EXOC4: variants seen among roughly 807,000 people sequenced by gnomAD.
EXOC4 encodes the protein exocyst complex component 4, also known as SEC8-like 1.
Under a neutral mutation model 107.2 loss-of-function variants are expected in EXOC4, and 71 were observed. The observed-to-expected ratio is 0.66, with a 90% CI of 0.55 to 0.81. EXOC4 has a LOEUF of 0.81. Ranked by LOEUF, EXOC4 falls within the 30% of genes least tolerant of loss-of-function variation. EXOC4 has a pLI of 0.00. For synonymous variants in EXOC4, 456 were observed against 441.2 expected, an observed-to-expected ratio of 1.03 and a Z score of -0.42; for missense variants, 1,108 against 1,189.6, an observed-to-expected ratio of 0.93 and a Z score of 1.01.
intron 9 of EXOC4, among the ~76,000 whole-genome samples, chr7:133,586,485 T>C (rs924162747): frequency 6.6e-6 from 1 of 152,216 alleles, no homozygotes; most frequent in Admixed American, 6.5e-5. Context: ...TGGTCGTGTA[T>C]ATGTACCACA....
At chr7:133,459,060 G>A (rs1294777899) in intron 7 of EXOC4, among the ~76,000 whole-genome samples, 1 of 152,182 alleles carries the variant, frequency 6.6e-6, no homozygotes, top group Non-Finnish European at 1.5e-5. Context: ...AGAAGACTAG[G>A]CCCTGGCTAC....
intron 7 of EXOC4, among the ~76,000 whole-genome samples, chr7:133,412,649 C>CT (rs1584896956): frequency 1.3e-5 from 2 of 151,880 alleles, no homozygotes; most frequent in East Asian, 1.9e-4. Flanking sequence ...TAGTGAGACT[C>CT]TATCTCTAAA....
chr7:134,011,239 A>T (rs573514893), intron 17 of EXOC4, among the ~76,000 whole-genome samples: 1 of 152,040 alleles, frequency 6.6e-6, no homozygotes, highest in East Asian at 1.9e-4. Context: ...CTAGGAGTCC[A>T]GATGGTGGCA....
intron 10 of EXOC4, among the ~76,000 whole-genome samples, chr7:133,647,838 T>A (rs938202248): frequency 6.6e-6 from 1 of 152,102 alleles, no homozygotes; most frequent in African/African-American, 2.4e-5. Context: ...GATTTCTGGT[T>A]CATAAACAGT....
chr7:133,339,154 A>C (rs1376026665), intron 5 of EXOC4, among the ~76,000 whole-genome samples: 1 of 152,220 alleles, frequency 6.6e-6, no homozygotes, highest in African/African-American at 2.4e-5. Context: ...CTTCACTTAG[A>C]ATAATGGATC....
intron 10 of EXOC4, among the ~76,000 whole-genome samples, chr7:133,735,260 T>C (rs995169556): frequency 8.1e-6 from 1 of 123,250 alleles, no homozygotes; most frequent in Non-Finnish European, 1.8e-5. Context: ...AAAGTTAAAG[T>C]ACGGTTTGGT....
At chr7:133,458,422 A>T (rs1798512867) in intron 7 of EXOC4, among the ~76,000 whole-genome samples, 1 of 152,198 alleles carries the variant, frequency 6.6e-6, no homozygotes, top group South Asian at 2.1e-4. Context: ...GTTTGAGGAG[A>T]TGTCATATTC....
intron 7 of EXOC4, among the ~76,000 whole-genome samples, chr7:133,460,519 A>C (rs1004402995): frequency 3.3e-5 from 5 of 152,220 alleles, no homozygotes; most frequent in African/African-American, 1.2e-4. Flanking sequence ...CCATGTTTTG[A>C]ATTAACACAT....
At chr7:133,496,130 C>G (rs572098695) in intron 9 of EXOC4, among the ~76,000 whole-genome samples, 1 of 152,210 alleles carries the variant, frequency 6.6e-6, no homozygotes, top group Non-Finnish European at 1.5e-5. Context: ...TACTGATTTA[C>G]AGTACAGCAT....
chr7:133,636,041 A>T (rs559945154), intron 10 of EXOC4, among the ~76,000 whole-genome samples: 4 of 152,190 alleles, frequency 2.6e-5, no homozygotes, highest in Admixed American at 6.5e-5. Context: ...GAGAGAGAGA[A>T]ACTAGACCAC....
intron 9 of EXOC4, among the ~76,000 whole-genome samples, chr7:133,493,671 T>A (rs1460268676): frequency 6.6e-6 from 1 of 152,058 alleles, no homozygotes; most frequent in African/African-American, 2.4e-5. Flanking sequence ...CCATTTTTCC[T>A]GTTTTCTTCT....
chr7:133,715,350 T>G (rs900833700), intron 10 of EXOC4, among the ~76,000 whole-genome samples: 1 of 152,194 alleles, frequency 6.6e-6, no homozygotes. Flanking sequence ...TCATTTCTTG[T>G]GGCTACCACT....
chr7:133,950,640 T>C (rs1485869664), intron 14 of EXOC4, among the ~76,000 whole-genome samples: 2 of 152,246 alleles, frequency 1.3e-5, no homozygotes, highest in African/African-American at 4.8e-5. Flanking sequence ...TCAATAGTGA[T>C]ATCAGAATGC....
intron 9 of EXOC4, among the ~76,000 whole-genome samples, chr7:133,562,609 A>C (rs1365109797): frequency 6.6e-6 from 1 of 152,196 alleles, no homozygotes; most frequent in Non-Finnish European, 1.5e-5. Context: ...GAAGACCTGG[A>C]AATTTGCAAT....
In EXOC4 at chr7:133,535,781, G is replaced by A. The variant is rs138764662; in HGVS notation, c.1417+55643G>A. 3.2e-4 allele frequency among the ~76,000 whole-genome samples: 49 copies of A among 152,148 alleles called. 1 individual carries two copies. In the East Asian group the frequency reaches 9.4e-3, roughly 29 times the overall value. On this transcript the variant is annotated intron_variant, in intron 9 of 17. Coordinates refer to ENST00000253861, the MANE Select transcript of EXOC4 (RefSeq NM_021807.4). ...CACATGTCATTTTCTTCCTCTCAAG[G>A]CTAGTGGTACACGTTTAAATATTTC...
At chr7:133,340,607 A>G (rs1051306674) in intron 5 of EXOC4, among the ~76,000 whole-genome samples, 1 of 151,832 alleles carries the variant, frequency 6.6e-6, no homozygotes, top group Non-Finnish European at 1.5e-5. Context: ...ATTGGTACCA[A>G]TTCTTCTTTG....
At chr7:133,975,101 T>C (rs1304118294) in intron 14 of EXOC4, among the ~76,000 whole-genome samples, 1 of 151,866 alleles carries the variant, frequency 6.6e-6, no homozygotes, top group African/African-American at 2.4e-5. Flanking sequence ...ATAAGTACAG[T>C]GTGGGAAATA....
At chr7:133,805,470 T>C (rs1484499919) in intron 10 of EXOC4, among the ~76,000 whole-genome samples, 1 of 152,190 alleles carries the variant, frequency 6.6e-6, no homozygotes, top group African/African-American at 2.4e-5. Flanking sequence ...CCAAACAATG[T>C]CTACATGAAA....
chr7:133,523,647 G>A (rs1800024110), intron 9 of EXOC4, among the ~76,000 whole-genome samples: 1 of 150,754 alleles, frequency 6.6e-6, no homozygotes, highest in Admixed American at 6.6e-5. Context: ...CTGTGTACGT[G>A]TGATCTCATT....
Sources: gnomAD v4.1 joint callset for allele counts (sites outside exome capture counted in the v4.1 genomes callset) on GRCh38, gnomAD v4.1.1 for gene constraint, MANE v1.5 for transcripts, NCBI Gene and HGNC (gene_info 2026-07-23, HGNC 2026-07-21) for gene names.